Variants in SEMA4D observed in about 807,000 individuals in gnomAD.
SEMA4D encodes the protein semaphorin 4D, also known as semaphorin-4D.
Under a neutral mutation model 74.8 loss-of-function variants are expected in SEMA4D, and 22 were observed. The ratio of observed to expected loss-of-function variants is 0.29; its 90% CI spans 0.21 to 0.42. The LOEUF is 0.42. Among genes scored for constraint, SEMA4D ranks in the 10% least tolerant of loss-of-function variants. The probability of loss-of-function intolerance (pLI) is 1.00; values close to 1 mark genes in which losing one functional copy is unlikely to be tolerated. For missense variants in SEMA4D, 937 were observed against 1,118.4 expected, an observed-to-expected ratio of 0.84 and a Z score of 2.31; for synonymous variants, 445 against 463.7, an observed-to-expected ratio of 0.96 and a Z score of 0.52.
exon 17 of SEMA4D, chr9:89,363,784 T>C: frequency 1.2e-6 from 2 of 1,613,916 alleles, no homozygotes; most frequent in Non-Finnish European, 1.7e-6. Flanking sequence ...TCTTGTTCCC[T>C]GCTGAGGAGA....
At chr9:89,409,707 G>A (rs1844101417) in intron 2 of SEMA4D, among the ~76,000 whole-genome samples, 2 of 152,196 alleles carry the variant, frequency 1.3e-5, no homozygotes, top group South Asian at 4.1e-4. Flanking sequence ...GCTAGGAGCA[G>A]AGACGCAAGA....
chr9:89,379,375 C>T lies in SEMA4D; in HGVS notation c.1918G>A (p.Ala640Thr), dbSNP rs371991421. The T allele has an allele frequency of 2.1e-5, 34 of 1,614,008 alleles. 1 individual carries two copies. In the African/African-American group the frequency reaches 3.2e-4, roughly 15 times the overall value. Residue 640 changes from alanine (A) to threonine (T), a missense_variant, in exon 16 of 16, where the codon GCC (alanine) becomes ACC (threonine). Physicochemically the swap from Ala to Thr is moderately conservative, Grantham distance 58. Coordinates refer to ENST00000422704, the MANE Select transcript of SEMA4D (RefSeq NM_001371194.2). ...ACCTTCACTTCCAGGACGTGCTTGG[C>T]GACCACTTGGAAGACCGTTTTGTTC... ...VKNKTVFQVV[A>T]KHVLEVKVVP...
chr9:89,383,931 C>T (rs1332099212), intron 13 of SEMA4D, among the ~76,000 whole-genome samples: 1 of 152,098 alleles, frequency 6.6e-6, no homozygotes, highest in Non-Finnish European at 1.5e-5. Flanking sequence ...TCTCATGCTC[C>T]CATCTCTGTC....
At chr9:89,376,578 G>A, downstream of SEMA4D, 1 of 444,040 alleles carries the variant, frequency 2.3e-6, no homozygotes, top group Non-Finnish European at 4.0e-6. Context: ...AGCCCACAAG[G>A]CCTAAATATC....
intron 2 of SEMA4D, among the ~76,000 whole-genome samples, chr9:89,447,373 G>C (rs914571924): frequency 6.6e-6 from 1 of 151,780 alleles, no homozygotes; most frequent in African/African-American, 2.4e-5. Flanking sequence ...CAAGCTTCCT[G>C]TGTCCCCAAA....
chr9:89,480,856 A>G (rs1824585496), intron 1 of SEMA4D, among the ~76,000 whole-genome samples: 1 of 152,328 alleles, frequency 6.6e-6, no homozygotes, highest in Non-Finnish European at 1.5e-5. Context: ...CAGCCCAGAA[A>G]GGGGCTCCCA....
At chr9:89,385,602 G>A (rs1370690115) in intron 13 of SEMA4D, 1 of 981,958 alleles carries the variant, frequency 1.0e-6, no homozygotes, top group African/African-American at 1.7e-5. Flanking sequence ...TTAGCAGAGG[G>A]GAGGTGACCA....
chr9:89,425,747 GA>G (rs1002613021), intron 2 of SEMA4D, among the ~76,000 whole-genome samples: 1 of 152,176 alleles, frequency 6.6e-6, no homozygotes, highest in Non-Finnish European at 1.5e-5. Context: ...CTGGGAAGAG[GA>G]AAAACAGGCT....
intron 18 of SEMA4D, among the ~76,000 whole-genome samples, chr9:89,362,897 C>T (rs2132180999): frequency 6.6e-6 from 1 of 152,348 alleles, no homozygotes; most frequent in East Asian, 1.9e-4. Flanking sequence ...ACAACTTTGT[C>T]TCCGTGGGGA....
chr9:89,363,642 A>G (rs1833108832), intron 17 of SEMA4D: 1 of 1,591,688 alleles, frequency 6.3e-7, no homozygotes, highest in Non-Finnish European at 8.6e-7. Context: ...CCAGAATGCC[A>G]CCGTGCAAGC....
At chr9:89,435,157 G>T (rs1214783079) in intron 2 of SEMA4D, among the ~76,000 whole-genome samples, 1 of 152,132 alleles carries the variant, frequency 6.6e-6, no homozygotes, top group Non-Finnish European at 1.5e-5. Flanking sequence ...GCATGTGGAG[G>T]ACAGAAATCC....
At chr9:89,376,616 C>T, downstream of SEMA4D, 6 of 624,978 alleles carry the variant, frequency 9.6e-6, no homozygotes, top group South Asian at 1.5e-4. Context: ...CACTGGTTGA[C>T]CCCTGTACAC....
At chr9:89,429,004 G>C (rs571412132) in intron 2 of SEMA4D, among the ~76,000 whole-genome samples, 324 of 152,300 alleles carry the variant, frequency 2.1e-3, no homozygotes, top group Non-Finnish European at 3.1e-3. Flanking sequence ...TCCCTGTGGG[G>C]GGGGTCTCCC....
At chr9:89,361,531 T>A (rs1564471143) in exon 19 of SEMA4D, 1 of 152,202 alleles carries the variant, frequency 6.6e-6, no homozygotes, top group East Asian at 1.9e-4. Flanking sequence ...AGTGACACAG[T>A]CTTCAGAGAT....
chr9:89,449,694 C>T lies in SEMA4D; in HGVS notation c.-244+6194G>A, dbSNP rs1373577799. ...CGCATCTAGCTCAGGTGTGTCAGTA[C>T]TGAGCCTGTGTGAGAAAGGTGATGC... On this transcript the variant is annotated intron_variant, in intron 2 of 15. Coordinates refer to ENST00000422704, the MANE Select transcript of SEMA4D (RefSeq NM_001371194.2). The T allele has an allele frequency of 1.2e-5, 19 of 1,520,496 alleles. No individual in the cohort carries two copies. In the East Asian group the frequency reaches 4.3e-4, roughly 34 times the overall value. 94.2% of individuals were successfully genotyped at this position (1,520,496 alleles called of 1,614,324 possible). A position where few individuals can be genotyped will look rare whatever the true frequency, so the allele number is the denominator to read the frequency against.
At chr9:89,488,930 C>T (rs1174754397) in intron 1 of SEMA4D, among the ~76,000 whole-genome samples, 1 of 152,148 alleles carries the variant, frequency 6.6e-6, no homozygotes, top group African/African-American at 2.4e-5. Flanking sequence ...ATGTAAAGAA[C>T]ACCTACAACT....
exon 19 of SEMA4D, chr9:89,362,237 C>G: frequency 8.3e-7 from 1 of 1,209,354 alleles, no homozygotes; most frequent in East Asian, 2.3e-5. Context: ...CTCCACTGTC[C>G]CGCCTCTGCC....
At chr9:89,458,585 C>T (rs771884991) in intron 1 of SEMA4D, among the ~76,000 whole-genome samples, 11 of 152,030 alleles carry the variant, frequency 7.2e-5, no homozygotes, top group Non-Finnish European at 1.5e-4. Flanking sequence ...TACATGCACA[C>T]ACGTATACAC....
At chr9:89,367,913 C>G (rs1368476440) in intron 16 of SEMA4D, 1 of 152,310 alleles carries the variant, frequency 6.6e-6, no homozygotes, top group Non-Finnish European at 1.5e-5. Context: ...AAGCCTCTAA[C>G]GGAGCCAGCT....
Sources: allele counts gnomAD v4.1 joint callset (sites outside exome capture counted in the v4.1 genomes callset), GRCh38; gene constraint gnomAD v4.1.1; transcripts MANE v1.5; gene names NCBI Gene and HGNC (gene_info 2026-07-23, HGNC 2026-07-21).